Variants in RFWD3 observed in about 807,000 individuals in gnomAD.
The protein encoded by RFWD3 is E3 ubiquitin-protein ligase RFWD3.
In RFWD3, 65 loss-of-function variants were observed where a neutral mutation model predicts 87.7. That is an observed-to-expected ratio of 0.74 (90% CI 0.61 to 0.91). The LOEUF (loss-of-function observed/expected upper bound fraction) is 0.91. Ranked by LOEUF, RFWD3 falls within the 40% of genes least tolerant of loss-of-function variation. The pLI, the probability that RFWD3 is intolerant of heterozygous loss-of-function variation, is 0.00. For synonymous variants in RFWD3, 433 were observed against 352.8 expected, an observed-to-expected ratio of 1.23 and a Z score of -2.55; for missense variants, 1,078 against 938.5, an observed-to-expected ratio of 1.15 and a Z score of -1.94.
rs9922003 is a variant in RFWD3 at position 74,639,282 on chromosome 16, C to G, written c.1080-1312G>C. ...CAAACTCCTGGCCTCAAGTGATCCA[C>G]CTGCCTCAGCCTCCCAAAGTGCTGG... On this transcript the variant is annotated intron_variant, in intron 6 of 12. Coordinates refer to ENST00000361070, the MANE Select transcript of RFWD3 (RefSeq NM_018124.4). 9.2e-3 allele frequency among the ~76,000 whole-genome samples: 1,395 copies of G among 152,292 alleles called. 19 individuals are homozygous for G. Among genetic ancestry groups the G allele is most frequent in the African/African-American group, 0.032 (1,312 of 41,556 alleles).
chr16:74,647,014 G>A (rs1019914220), intron 4 of RFWD3, among the ~76,000 whole-genome samples: 15 of 151,894 alleles, frequency 9.9e-5, no homozygotes, highest in African/African-American at 3.6e-4. Context: ...GTGAACCTGG[G>A]AGGCGGAGCC....
rs56890104 is a variant in RFWD3, at chr16:74,666,845, G to GCCGAAGACTCGGTAGTTACCTGC, written c.-63_-62insGCAGGTAACTACCGAGTCTTCGG. ...CCGCCGAAGACTCGGTAGTTACCTC[G>GCCGAAGACTCGGTAGTTACCTGC]GCCGCACTCCGAATGCACCTACGCC... On this transcript the variant is annotated 5_prime_UTR_variant, in exon 1 of 13. Coordinates refer to ENST00000361070, the MANE Select transcript of RFWD3 (RefSeq NM_018124.4). The GCCGAAGACTCGGTAGTTACCTGC allele has an allele frequency of 3.3e-5, 5 of 150,974 alleles. No homozygotes were observed. Among genetic ancestry groups the GCCGAAGACTCGGTAGTTACCTGC allele is most frequent in the East Asian group, 2.0e-4 (1 of 5,008 alleles). The allele number at this position is 150,974 out of a possible 1,614,324, so 9.4% of individuals were successfully genotyped here.
intron 1 of RFWD3, chr16:74,666,585 C>G (rs923405119): frequency 2.6e-5 from 4 of 152,266 alleles, no homozygotes; most frequent in African/African-American, 9.6e-5. Flanking sequence ...AACCCAGATA[C>G]GCGCGGGGGT....
At chr16:74,643,450 T>A (rs1285764998) in intron 6 of RFWD3, among the ~76,000 whole-genome samples, 1 of 152,206 alleles carries the variant, frequency 6.6e-6, no homozygotes, top group African/African-American at 2.4e-5. Flanking sequence ...TTTCATTAAG[T>A]AAATCTTGGT....
intron 6 of RFWD3, among the ~76,000 whole-genome samples, chr16:74,638,649 A>T (rs1008225466): frequency 1.3e-5 from 2 of 152,212 alleles, no homozygotes; most frequent in African/African-American, 2.4e-5. Flanking sequence ...AGAACCCCCA[A>T]AACAATTACA....
intron 2 of RFWD3, among the ~76,000 whole-genome samples, chr16:74,660,059 A>C (rs1278107893): frequency 6.6e-6 from 1 of 151,858 alleles, no homozygotes; most frequent in Non-Finnish European, 1.5e-5. Context: ...TGTCTCAAAA[A>C]TAACAATAAT....
chr16:74,640,192 G>A (rs1959510616), intron 6 of RFWD3, among the ~76,000 whole-genome samples: 1 of 150,436 alleles, frequency 6.6e-6, no homozygotes, highest in Admixed American at 6.6e-5. Context: ...GCCCAGGTTG[G>A]AGTGCAGTGG....
chr16:74,657,425 C>A (rs1428229028), intron 2 of RFWD3, among the ~76,000 whole-genome samples: 1 of 151,592 alleles, frequency 6.6e-6, no homozygotes, highest in East Asian at 1.9e-4. Context: ...GGAGATAATT[C>A]TCTGTGGTCC....
At chr16:74,636,862 T>C (rs918786535) in intron 7 of RFWD3, among the ~76,000 whole-genome samples, 5 of 151,804 alleles carry the variant, frequency 3.3e-5, no homozygotes, top group Non-Finnish European at 7.4e-5. Context: ...ATGCACCCAC[T>C]ACCATGCCCG....
At chr16:74,638,212 G>A (rs950742038) in intron 6 of RFWD3, among the ~76,000 whole-genome samples, 2 of 152,160 alleles carry the variant, frequency 1.3e-5, no homozygotes, top group Non-Finnish European at 2.9e-5. Context: ...CAGGCAAAAC[G>A]AGAGAACAGA....
chr16:74,639,165 G>A (rs1959418759), intron 6 of RFWD3, among the ~76,000 whole-genome samples: 1 of 151,546 alleles, frequency 6.6e-6, no homozygotes, highest in Non-Finnish European at 1.5e-5. Context: ...AGCCTCCCAA[G>A]TAGCTGAGAT....
In RFWD3 at chr16:74,626,355, T is replaced by C; in HGVS notation, c.2169A>G (p.Ala723=). ...NILVCTGDEA[A]NSALLWDAAS... ...GTAACAGGCTCACCAGGGCAGAATT[T>C]GCTGCTTCATCCCCAGTACACACCA... The change falls in exon 12 of 13, where the codon GCA becomes GCG. Residue 723 remains alanine, a synonymous_variant. Coordinates refer to ENST00000361070, the MANE Select transcript of RFWD3 (RefSeq NM_018124.4). 6.2e-7 allele frequency: 1 copy of C among 1,613,998 alleles called. No homozygotes were observed.
intron 11 of RFWD3, 128 bp from the exon 12 acceptor site, chr16:74,626,682 C>T: frequency 1.5e-6 from 1 of 665,642 alleles, no homozygotes; most frequent in South Asian, 1.9e-5. Flanking sequence ...CCATCAAGAA[C>T]AGTTACAAAA....
At chr16:74,655,121 T>C (rs1439273941) in intron 2 of RFWD3, among the ~76,000 whole-genome samples, 1 of 152,140 alleles carries the variant, frequency 6.6e-6, no homozygotes, top group Non-Finnish European at 1.5e-5. Context: ...CACCCCTCTA[T>C]TGGAAGATGC....
Position 74,663,884 on chromosome 16 carries a change from A to G in RFWD3, c.-2-2433T>C, listed in dbSNP as rs142194955. On this transcript the variant is annotated intron_variant, in intron 1 of 12. Transcript: ENST00000361070. ...CCAGGTACCACAAAAGGCAATATTGAAAGATGGCGCTAAAAGAGAAGGGCT... is the reference window on the plus strand; with the variant it reads ...CCAGGTACCACAAAAGGCAATATTGGAAGATGGCGCTAAAAGAGAAGGGCT... Among the ~76,000 whole-genome samples, 1,019 of 152,302 alleles carry G rather than the reference A, an allele frequency of 6.7e-3. 13 individuals carry two copies. Among genetic ancestry groups the G allele is most frequent in the African/African-American group, 0.023 (962 of 41,576 alleles).
At chr16:74,661,554 T>A in intron 1 of RFWD3, 103 bp from the exon 2 acceptor site, 1 of 1,096,384 alleles carries the variant, frequency 9.1e-7, no homozygotes, top group South Asian at 1.6e-5. Context: ...TTTAATATCA[T>A]TCTTAGCAAG....
chr16:74,654,757 C>T (rs1316995430), intron 2 of RFWD3, among the ~76,000 whole-genome samples: 1 of 152,142 alleles, frequency 6.6e-6, no homozygotes, highest in Non-Finnish European at 1.5e-5. Flanking sequence ...GAAAATTAAG[C>T]GCTACAACAG....
chr16:74,646,562 CG>C, intron 4 of RFWD3, among the ~76,000 whole-genome samples: 1 of 152,088 alleles, frequency 6.6e-6, no homozygotes, highest in East Asian at 1.9e-4. Flanking sequence ...CCAAGGCAGG[CG>C]GATCATGAAG....
At chr16:74,659,315 T>C (rs1567586765) in intron 2 of RFWD3, among the ~76,000 whole-genome samples, 3 of 152,144 alleles carry the variant, frequency 2.0e-5, no homozygotes, top group South Asian at 4.1e-4. Context: ...CTCTCAACCA[T>C]GGAAAGTTAG....
Sources: gnomAD v4.1 joint callset for allele counts (sites outside exome capture counted in the v4.1 genomes callset) on GRCh38, gnomAD v4.1.1 for gene constraint, MANE v1.5 for transcripts, NCBI Gene and HGNC (gene_info 2026-07-23, HGNC 2026-07-21) for gene names.